The following SLC23A2 variants were observed in gnomAD, a reference collection of about 807,000 sequenced individuals.
SLC23A2 encodes the protein solute carrier family 23 member 2.
SLC23A2 carries 36 observed loss-of-function variants against 73.3 expected under a neutral mutation model. The ratio of observed to expected loss-of-function variants is 0.49; its 90% CI spans 0.38 to 0.65. The LOEUF is 0.65. Among genes scored for constraint, SLC23A2 ranks in the 30% least tolerant of loss-of-function variants. The pLI is 0.00. For synonymous variants in SLC23A2, 343 were observed against 327.3 expected, an observed-to-expected ratio of 1.05 and a Z score of -0.52; for missense variants, 507 against 841.6, an observed-to-expected ratio of 0.60 and a Z score of 4.92.
intron 6 of SLC23A2, among the ~76,000 whole-genome samples, chr20:4,895,490 A>C (rs1931485225): frequency 6.6e-6 from 1 of 152,176 alleles, no homozygotes; most frequent in Non-Finnish European, 1.5e-5. Flanking sequence ...ATATGCAAAA[A>C]CTCCCAAAAA....
intron 13 of SLC23A2, among the ~76,000 whole-genome samples, chr20:4,866,412 T>A (rs1272142347): frequency 2.6e-5 from 4 of 152,230 alleles, no homozygotes; most frequent in Non-Finnish European, 5.9e-5. Context: ...GCAAACTGGC[T>A]GAAGAGTGGC....
intron 2 of SLC23A2, among the ~76,000 whole-genome samples, chr20:4,954,900 G>A (rs2087260371): frequency 6.6e-6 from 1 of 151,930 alleles, no homozygotes; most frequent in South Asian, 2.1e-4. Context: ...ACAGAAACAG[G>A]AGTCTGGTGG....
intron 6 of SLC23A2, among the ~76,000 whole-genome samples, chr20:4,897,240 A>G (rs1163542991): frequency 6.6e-6 from 1 of 152,088 alleles, no homozygotes; most frequent in Non-Finnish European, 1.5e-5. Flanking sequence ...GAAAACCCCT[A>G]TCACAAGCCC....
intron 2 of SLC23A2, among the ~76,000 whole-genome samples, chr20:4,969,359 G>A (rs1026807451): frequency 1.3e-5 from 2 of 152,134 alleles, no homozygotes; most frequent in Admixed American, 6.5e-5. Context: ...AAAGTGCTGG[G>A]ATTCCAGGCA....
chr20:4,912,175 C>T (rs1201918193), intron 4 of SLC23A2, among the ~76,000 whole-genome samples: 1 of 151,872 alleles, frequency 6.6e-6, no homozygotes, highest in Admixed American at 6.6e-5. Flanking sequence ...TTATCCTGAC[C>T]TCTATGGTCA....
At chr20:4,898,481 G>A (rs1049817628) in intron 6 of SLC23A2, among the ~76,000 whole-genome samples, 1 of 152,278 alleles carries the variant, frequency 6.6e-6, no homozygotes, top group South Asian at 2.1e-4. Context: ...ACCTCCCACC[G>A]CAGGGAGGGC....
At chr20:4,987,624 A>G (rs1305642058) in intron 1 of SLC23A2, among the ~76,000 whole-genome samples, 1 of 151,806 alleles carries the variant, frequency 6.6e-6, no homozygotes, top group Non-Finnish European at 1.5e-5. Flanking sequence ...CGAGGTGGGC[A>G]GATCACGAGG....
intron 1 of SLC23A2, among the ~76,000 whole-genome samples, chr20:4,986,778 A>C (rs1397280839): frequency 6.6e-6 from 1 of 152,002 alleles, no homozygotes; most frequent in Non-Finnish European, 1.5e-5. Flanking sequence ...TCAAGAAATA[A>C]AACAGTAAGT....
chr20:4,991,720 T>TCACACACACACACACACA (rs11471369), intron 1 of SLC23A2, among the ~76,000 whole-genome samples: 2 of 139,314 alleles, frequency 1.4e-5, no homozygotes, highest in Non-Finnish European at 3.1e-5. Flanking sequence ...AGACTCCGTT[T>TCACACACACACACACACA]CACACACACA....
At chr20:4,946,206 G>A (rs1241581656) in intron 2 of SLC23A2, among the ~76,000 whole-genome samples, 1 of 152,132 alleles carries the variant, frequency 6.6e-6, no homozygotes, top group East Asian at 1.9e-4. Flanking sequence ...AGGTACCACT[G>A]CCAAGTTCCA....
chr20:4,944,472 C>T (rs1600158260), intron 2 of SLC23A2, among the ~76,000 whole-genome samples: 2 of 152,130 alleles, frequency 1.3e-5, no homozygotes, highest in South Asian at 2.1e-4. Flanking sequence ...CTCCTGACCT[C>T]GTGATCCACC....
chr20:4,931,049 A>G (rs1045379554), intron 3 of SLC23A2, among the ~76,000 whole-genome samples: 1 of 145,028 alleles, frequency 6.9e-6, no homozygotes, highest in African/African-American at 2.6e-5. Context: ...TTTTCTTAAA[A>G]TAACTGTTAT....
At chr20:4,877,796 A>G (rs980120034) in intron 9 of SLC23A2, among the ~76,000 whole-genome samples, 2 of 152,224 alleles carry the variant, frequency 1.3e-5, no homozygotes, top group Non-Finnish European at 2.9e-5. Flanking sequence ...ATTTTCCATA[A>G]GAAAAGTCAA....
intron 6 of SLC23A2, among the ~76,000 whole-genome samples, chr20:4,889,897 C>T: frequency 6.6e-6 from 1 of 152,000 alleles, no homozygotes; most frequent in East Asian, 1.9e-4. Flanking sequence ...TTTGACTGCA[C>T]ATTTGGAAGA....
At chr20:5,008,648 G>A (rs995193073) in intron 1 of SLC23A2, among the ~76,000 whole-genome samples, 1 of 151,854 alleles carries the variant, frequency 6.6e-6, no homozygotes, top group Non-Finnish European at 1.5e-5. Context: ...CCTTATCCAC[G>A]ACCCCACTTT....
intron 2 of SLC23A2, among the ~76,000 whole-genome samples, chr20:4,969,503 A>T (rs1229657751): frequency 6.6e-6 from 1 of 152,192 alleles, no homozygotes; most frequent in Non-Finnish European, 1.5e-5. Flanking sequence ...TTTTTTTAAA[A>T]CAACACTGAC....
At chr20:4,999,554 C>T (rs895973703) in intron 1 of SLC23A2, among the ~76,000 whole-genome samples, 1 of 129,974 alleles carries the variant, frequency 7.7e-6, no homozygotes, top group Non-Finnish European at 1.6e-5. Flanking sequence ...CCATACTCAG[C>T]TATTTTTTTT....
intron 1 of SLC23A2, among the ~76,000 whole-genome samples, chr20:5,007,303 G>A (rs889246909): frequency 6.6e-6 from 1 of 152,152 alleles, no homozygotes; most frequent in Admixed American, 6.5e-5. Context: ...GGCCGACACA[G>A]GTGGACCACT....
chr20:4,935,599 C>T (rs1040578081), intron 2 of SLC23A2, among the ~76,000 whole-genome samples: 44 of 152,172 alleles, frequency 2.9e-4, no homozygotes, highest in African/African-American at 9.9e-4. Flanking sequence ...GAGATCGAGA[C>T]CATCCTGGCT....
Sources: allele counts gnomAD v4.1 joint callset (sites outside exome capture counted in the v4.1 genomes callset), GRCh38; gene constraint gnomAD v4.1.1; transcripts MANE v1.5; gene names NCBI Gene and HGNC (gene_info 2026-07-23, HGNC 2026-07-21).